Variants in FAM3C observed in about 807,000 individuals in gnomAD.
FAM3C encodes the protein protein FAM3C.
Under a neutral mutation model 32.5 loss-of-function variants are expected in FAM3C, and 15 were observed. The ratio of observed to expected loss-of-function variants is 0.46; its 90% CI spans 0.31 to 0.71. FAM3C has a LOEUF of 0.71. FAM3C is among the 30% of genes least tolerant of loss of function. FAM3C has a pLI of 0.05. For synonymous variants in FAM3C, 75 were observed against 86.1 expected (o/e 0.87, Z 0.72); for missense variants, 175 against 274.4 (o/e 0.64, Z 2.56).
At chr7:121,372,046 T>C (rs1299416277) in intron 4 of FAM3C, 64 bp downstream of exon 4, 1 of 1,207,746 alleles carries the variant, frequency 8.3e-7, no homozygotes, top group Non-Finnish European at 1.2e-6. Flanking sequence ...ACACTTTGAA[T>C]ATAAGCTCTC....
intron 1 of FAM3C, among the ~76,000 whole-genome samples, chr7:121,394,808 TGCTGATTC>T (rs1467301633): frequency 6.6e-6 from 1 of 152,236 alleles, no homozygotes; most frequent in Non-Finnish European, 1.5e-5. Context: ...GATGCTGATT[TGCTGATTC>T]TGCCAATTTC....
At chr7:121,375,207 T>TAGG (rs1794217582) in intron 3 of FAM3C, among the ~76,000 whole-genome samples, 1 of 152,206 alleles carries the variant, frequency 6.6e-6, no homozygotes, top group South Asian at 2.1e-4. Context: ...AATACATTCT[T>TAGG]AAAGAGGGAG....
chr7:121,369,641 C>T (rs1794102266), intron 5 of FAM3C, among the ~76,000 whole-genome samples: 1 of 152,200 alleles, frequency 6.6e-6, no homozygotes, highest in African/African-American at 2.4e-5. Flanking sequence ...GCTCCACTGT[C>T]TATGCACTGT....
intron 7 of FAM3C, among the ~76,000 whole-genome samples, chr7:121,361,760 C>T (rs1584692804): frequency 1.3e-5 from 2 of 152,208 alleles, no homozygotes; most frequent in African/African-American, 4.8e-5. Flanking sequence ...ACCGCAACTT[C>T]TGCCTCCCCG....
At chr7:121,385,010 A>C (rs2116955155) in intron 1 of FAM3C, among the ~76,000 whole-genome samples, 1 of 152,272 alleles carries the variant, frequency 6.6e-6, no homozygotes, top group Admixed American at 6.5e-5. Context: ...GGGTGAGGGA[A>C]GCAAAAACTT....
At chr7:121,361,455 G>A (rs1035834822) in intron 7 of FAM3C, among the ~76,000 whole-genome samples, 6 of 152,152 alleles carry the variant, frequency 3.9e-5, no homozygotes, top group South Asian at 2.1e-4. Context: ...TGCTGCTAGC[G>A]GTAATTAATC....
At chr7:121,394,142 C>T (rs1794637579) in intron 1 of FAM3C, among the ~76,000 whole-genome samples, 1 of 152,192 alleles carries the variant, frequency 6.6e-6, no homozygotes, top group Admixed American at 6.5e-5. Flanking sequence ...ATTACTGGTA[C>T]ATGGTAGGCA....
intron 4 of FAM3C, 68 bp downstream of exon 4, chr7:121,372,042 T>G: frequency 1.7e-6 from 2 of 1,168,860 alleles, no homozygotes; most frequent in Non-Finnish European, 2.5e-6. Context: ...ACTGACACTT[T>G]GAATATAAGC....
chr7:121,368,762 G>T (rs951179321), intron 5 of FAM3C, among the ~76,000 whole-genome samples: 2 of 151,726 alleles, frequency 1.3e-5, no homozygotes, highest in Non-Finnish European at 2.9e-5. Context: ...CTTCGAGCAG[G>T]CTTCTTCCTC....
At chr7:121,391,471 T>C (rs576716637) in intron 1 of FAM3C, among the ~76,000 whole-genome samples, 3 of 152,298 alleles carry the variant, frequency 2.0e-5, no homozygotes, top group South Asian at 2.1e-4. Context: ...AAAATGAGAT[T>C]AGAGAAAGGT....
intron 1 of FAM3C, among the ~76,000 whole-genome samples, chr7:121,390,842 G>C (rs1794558918): frequency 1.8e-5 from 1 of 56,424 alleles, no homozygotes. Context: ...CACAGGAAAG[G>C]CTGTGTGGGG....
At chr7:121,379,409 G>C (rs1452397738) in intron 2 of FAM3C, among the ~76,000 whole-genome samples, 1 of 151,776 alleles carries the variant, frequency 6.6e-6, no homozygotes, top group African/African-American at 2.4e-5. Flanking sequence ...AAAAACAGTG[G>C]AACTTCTGGG....
chr7:121,384,875 T>C (rs1033016099), intron 1 of FAM3C, among the ~76,000 whole-genome samples: 4 of 152,208 alleles, frequency 2.6e-5, no homozygotes, highest in African/African-American at 9.6e-5. Flanking sequence ...ATTGAATATA[T>C]TTGAGAGCAA....
At chr7:121,378,443 C>T (rs985038284) in intron 3 of FAM3C, among the ~76,000 whole-genome samples, 3 of 152,216 alleles carry the variant, frequency 2.0e-5, no homozygotes, top group African/African-American at 7.2e-5. Flanking sequence ...CCTCGGCCTC[C>T]TGAGTAGCTG....
chr7:121,375,576 T>C (rs1228060545), intron 3 of FAM3C, among the ~76,000 whole-genome samples: 1 of 152,174 alleles, frequency 6.6e-6, no homozygotes, highest in Non-Finnish European at 1.5e-5. Context: ...ATCACTATGA[T>C]GTTCATAAAA....
chr7:121,372,742 T>C (rs1794173095), intron 3 of FAM3C, among the ~76,000 whole-genome samples: 1 of 152,224 alleles, frequency 6.6e-6, no homozygotes, highest in Admixed American at 6.5e-5. Flanking sequence ...AGCACTAACA[T>C]CTGATCCCAG....
At chr7:121,361,370 C>T (rs755022282) in intron 7 of FAM3C, among the ~76,000 whole-genome samples, 5 of 152,172 alleles carry the variant, frequency 3.3e-5, no homozygotes, top group Non-Finnish European at 5.9e-5. Context: ...AAAGATATAA[C>T]AAGGCAGCTA....
At chr7:121,376,882 A>C (rs1794246812) in intron 3 of FAM3C, among the ~76,000 whole-genome samples, 3 of 152,164 alleles carry the variant, frequency 2.0e-5, no homozygotes, top group Non-Finnish European at 2.9e-5. Flanking sequence ...CACTCCAGAC[A>C]CTAACTCAGA....
At chr7:121,385,248 T>C (rs1794443368) in intron 1 of FAM3C, among the ~76,000 whole-genome samples, 1 of 152,122 alleles carries the variant, frequency 6.6e-6, no homozygotes, top group African/African-American at 2.4e-5. Context: ...CAGAAGGATA[T>C]TTTTAGGATG....
Sources: allele counts gnomAD v4.1 joint callset (sites outside exome capture counted in the v4.1 genomes callset), GRCh38; gene constraint gnomAD v4.1.1; transcripts MANE v1.5; gene names NCBI Gene and HGNC (gene_info 2026-07-23, HGNC 2026-07-21).